PHETA1: variants seen among roughly 807,000 people sequenced by gnomAD.
The protein encoded by PHETA1 is PH domain containing endocytic trafficking adaptor 1, also known as sesquipedalian-1.
For synonymous variants in PHETA1, 155 were observed against 168.9 expected, an observed-to-expected ratio of 0.92 and a Z score of 0.64; for missense variants, 348 against 373.5, an observed-to-expected ratio of 0.93 and a Z score of 0.56.
intron 1 of PHETA1, among the ~76,000 whole-genome samples, 180 bp from the exon 2 acceptor site, chr12:111,366,437 T>C (rs940766204): frequency 1.3e-5 from 2 of 152,318 alleles, no homozygotes. Context: ...TCTCAGCAAA[T>C]GGCCCTTGGT....
chr12:111,364,043 T>C (rs1446958773), intron 2 of PHETA1, among the ~76,000 whole-genome samples: 1 of 152,024 alleles, frequency 6.6e-6, no homozygotes, highest in African/African-American at 2.4e-5. Context: ...CTTTGGAGAG[T>C]TGTAGAGATT....
intron 2 of PHETA1, among the ~76,000 whole-genome samples, chr12:111,364,763 CAAA>C (rs796346343): frequency 2.5e-5 from 3 of 117,858 alleles, no homozygotes; most frequent in South Asian, 2.6e-4. Flanking sequence ...GACTCCATCT[CAAA>C]AAAAAAAAAA....
rs1869174477 is a variant in PHETA1 at position 111,368,697 on chromosome 12, C to T, written c.-182+215G>A. ...AGAATGGGGGGCTTATCCGCAGTCC[C>T]CACCAGCGGCAGACGTCCCTATGGG... On this transcript the variant is annotated intron_variant, in intron 1 of 2. Coordinates refer to ENST00000683047, the MANE Select transcript of PHETA1 (RefSeq NM_144671.6). This position sits in a 1 kb window ranked among gnomAD's most constrained non-coding sequence, Gnocchi z 5.0. Among the ~76,000 whole-genome samples the T allele has an allele frequency of 6.6e-6, 1 of 152,362 alleles. No individual in the cohort carries two copies. Among genetic ancestry groups the T allele is most frequent in the African/African-American group, 2.4e-5 (1 of 41,586 alleles).
At position 111,362,983 on chromosome 12, in the gene PHETA1, G is replaced by A. The variant is rs1868757433; in HGVS notation, c.445C>T (p.Pro149Ser). Residue 149 changes from proline to serine, a missense_variant, in exon 3 of 3, where the codon CCC becomes TCC. Transcript: ENST00000683047. ...PQPQPQSLPL[P>S]PSLPSALAPV... is the part of the protein sequence containing the mutation. ...GCCAGGGCAGAGGGCAGGGACGGGGGCAAGGGCAGGGACTGGGGCTGGGGC... is the reference window on the plus strand; with the variant it reads ...GCCAGGGCAGAGGGCAGGGACGGGGACAAGGGCAGGGACTGGGGCTGGGGC... 2 of 1,480,188 alleles carry A rather than the reference G, an allele frequency of 1.4e-6. No individual in the cohort carries two copies. The highest frequency in any genetic ancestry group is 2.3e-4 in the Middle Eastern group (1 of 4,384). 91.7% of individuals were successfully genotyped at this position (1,480,188 alleles called of 1,614,324 possible). A position where few individuals can be genotyped will look rare whatever the true frequency, so the allele number is the denominator to read the frequency against.
At position 111,368,263 on chromosome 12, in the gene PHETA1, A is replaced by G. The variant is rs1869147231; in HGVS notation, c.-182+649T>C. Among the ~76,000 whole-genome samples the G allele has an allele frequency of 1.3e-5, 2 of 152,132 alleles. No individual in the cohort carries two copies. Among genetic ancestry groups the G allele is most frequent in the South Asian group, 4.1e-4 (2 of 4,824 alleles). ...GGCAAATAATTCATCCAAGATCTCC[A>G]GGGGCACAGCTGGCCCCGGAACCCA... On this transcript the variant is annotated intron_variant, in intron 1 of 2. Coordinates refer to ENST00000683047, the MANE Select transcript of PHETA1 (RefSeq NM_144671.6). The surrounding 1 kb of genome is among the most constrained non-coding windows in gnomAD (Gnocchi z 5.0).
chr12:111,362,543 CCAGGCCA>C lies in PHETA1; in HGVS notation c.*128_*134del. 5.2e-6 allele frequency: 8 copies of C among 1,531,132 alleles called. 1 individual carries two copies. In the South Asian group the frequency reaches 9.7e-5, roughly 18 times the overall value. The allele number at this position is 1,531,132 out of a possible 1,614,324, so 94.8% of individuals were successfully genotyped here. Reference sequence around the variant, plus strand: ...TTCTCAGAGCCTGCATCCCCCAAAACCAGGCCACTCAGGGCCTGGGGGCCAGCCTTGC... The same window carrying C: ...TTCTCAGAGCCTGCATCCCCCAAAACCTCAGGGCCTGGGGGCCAGCCTTGC... On this transcript the variant is annotated 3_prime_UTR_variant, in exon 3 of 3. Coordinates refer to ENST00000683047, the MANE Select transcript of PHETA1 (RefSeq NM_144671.6).
chr12:111,363,986 G>A lies in PHETA1; in HGVS notation c.-36-523C>T, dbSNP rs1012069520. Among the ~76,000 whole-genome samples, 3 of 152,158 alleles carry A rather than the reference G, an allele frequency of 2.0e-5. No individual in the cohort carries two copies. In the East Asian group the frequency reaches 5.8e-4, roughly 29 times the overall value. ...TGCCAGGTCCCAGCCCTGACTTTGT[G>A]GTTCGACTTTGGTTTGTTCATCCAT... On this transcript the variant is annotated intron_variant, in intron 2 of 2. Coordinates refer to ENST00000683047, the MANE Select transcript of PHETA1 (RefSeq NM_144671.6). The surrounding 1 kb of genome is among the most constrained non-coding windows in gnomAD (Gnocchi z 7.4).
Position 111,362,347 on chromosome 12 carries a change from C to A in PHETA1, c.*331G>T. 1.8e-6 allele frequency: 1 copy of A among 542,982 alleles called. No homozygotes were observed. The highest frequency in any genetic ancestry group is 3.3e-6 in the Non-Finnish European group (1 of 305,824). 33.6% of individuals were successfully genotyped at this position (542,982 alleles called of 1,614,324 possible). ...CTCTGAGCTGCAGGCCCGGCAATGC[C>A]TGTTGCCAGCACAGGCCTCTGCCCG... On this transcript the variant is annotated 3_prime_UTR_variant, in exon 3 of 3. Coordinates refer to ENST00000683047, the MANE Select transcript of PHETA1 (RefSeq NM_144671.6).
Position 111,362,596 on chromosome 12 carries a change from T to TGCTCCCCCAGTCTCTCCAGGACCC in PHETA1, c.*58_*81dup. On this transcript the variant is annotated 3_prime_UTR_variant, in exon 3 of 3. Coordinates refer to ENST00000683047, the MANE Select transcript of PHETA1 (RefSeq NM_144671.6). The stretch of plus-strand genomic sequence containing the variant: ...CTTGCCCATGATTTCCCTCAGGATC[T>TGCTCCCCCAGTCTCTCCAGGACCC]GCTCCCCCAGTCTCTCCAGGACCCG... The TGCTCCCCCAGTCTCTCCAGGACCC allele has an allele frequency of 6.5e-7, 1 of 1,543,002 alleles. No individual in the cohort carries two copies. The highest frequency in any genetic ancestry group is 8.7e-7 in the Non-Finnish European group (1 of 1,146,632).
At chr12:111,364,545 C>T (rs1868905432) in intron 2 of PHETA1, among the ~76,000 whole-genome samples, 1 of 151,932 alleles carries the variant, frequency 6.6e-6, no homozygotes, top group African/African-American at 2.4e-5. Flanking sequence ...CAAGGCCAAT[C>T]CTTCTCACCT....
In PHETA1 at chr12:111,363,830, CAG is replaced by C. The variant is rs1868857627; in HGVS notation, c.-36-369_-36-368del. ...TGCAACAGATGAGGAAACAGAGGCA[CAG>C]AGAGGTTAACTGCTTCCCTGGTGTC... On this transcript the variant is annotated intron_variant, in intron 2 of 2. Coordinates refer to ENST00000683047, the MANE Select transcript of PHETA1 (RefSeq NM_144671.6). This position sits in a 1 kb window ranked among gnomAD's most constrained non-coding sequence, Gnocchi z 7.4. The C allele has an allele frequency of 9.3e-7, 1 of 1,072,698 alleles. No homozygotes were observed. The highest frequency in any genetic ancestry group is 1.2e-6 in the Non-Finnish European group (1 of 806,538). The allele number at this position is 1,072,698 out of a possible 1,614,324, so 66.4% of individuals were successfully genotyped here.
In PHETA1 at chr12:111,363,798, G is replaced by T; in HGVS notation, c.-36-335C>A. 1.6e-6 allele frequency: 2 copies of T among 1,284,746 alleles called. No homozygotes were observed. Among genetic ancestry groups the T allele is most frequent in the Non-Finnish European group, 2.1e-6 (2 of 974,296 alleles). 79.6% of individuals were successfully genotyped at this position (1,284,746 alleles called of 1,614,324 possible). On this transcript the variant is annotated intron_variant, in intron 2 of 2. Coordinates refer to ENST00000683047, the MANE Select transcript of PHETA1 (RefSeq NM_144671.6). This position sits in a 1 kb window ranked among gnomAD's most constrained non-coding sequence, Gnocchi z 7.4. ...ACCTTAGGTCACAGGGACTGGCCTG[G>T]CACCAGTGCAACAGATGAGGAAACA...
Position 111,368,195 on chromosome 12 carries a change from T to TA in PHETA1, c.-182+716dup, listed in dbSNP as rs1255261515. Among the ~76,000 whole-genome samples, 1 of 152,108 alleles carries TA rather than the reference T, an allele frequency of 6.6e-6. No individual in the cohort carries two copies. Among genetic ancestry groups the TA allele is most frequent in the Non-Finnish European group, 1.5e-5 (1 of 68,028 alleles). On this transcript the variant is annotated intron_variant, in intron 1 of 2. Coordinates refer to ENST00000683047, the MANE Select transcript of PHETA1 (RefSeq NM_144671.6). This position sits in a 1 kb window ranked among gnomAD's most constrained non-coding sequence, Gnocchi z 5.0. ...ACTCCTGAAGAGTCATTTTGCAAAA[T>TA]ACTTGGTGGGTAGTGAGCTTTCAGG...
At chr12:111,366,633 G>A (rs1277321140) in intron 1 of PHETA1, among the ~76,000 whole-genome samples, 1 of 152,008 alleles carries the variant, frequency 6.6e-6, no homozygotes, top group Non-Finnish European at 1.5e-5. Flanking sequence ...TGTTCCTCAA[G>A]GTAAGATCCA....
chr12:111,364,632 T>C (rs1868911672), intron 2 of PHETA1, among the ~76,000 whole-genome samples: 2 of 150,962 alleles, frequency 1.3e-5, no homozygotes, highest in African/African-American at 4.9e-5. Flanking sequence ...GGTGAGGTGG[T>C]GCACGCCCAT....
Position 111,368,509 on chromosome 12 carries a change from G to C in PHETA1, c.-182+403C>G, listed in dbSNP as rs935874944. ...CAGCAGGGACCCCAGAGACACGCCA[G>C]CACCGCCGTCCAGACACAGGCAGCC... On this transcript the variant is annotated intron_variant, in intron 1 of 2. Transcript: ENST00000683047. The surrounding 1 kb of genome is among the most constrained non-coding windows in gnomAD (Gnocchi z 5.0). Among the ~76,000 whole-genome samples the C allele has an allele frequency of 6.6e-6, 1 of 152,226 alleles. No individual in the cohort carries two copies. Among genetic ancestry groups the C allele is most frequent in the African/African-American group, 2.4e-5 (1 of 41,472 alleles).
In PHETA1 at chr12:111,361,701, A is replaced by G. The variant is rs1032924375; in HGVS notation, c.*977T>C. The G allele has an allele frequency of 2.9e-5, 10 of 348,440 alleles. No individual in the cohort carries two copies. The highest frequency in any genetic ancestry group is 2.4e-4 in the African/African-American group (10 of 42,338). The allele number at this position is 348,440 out of a possible 1,614,324, so 21.6% of individuals were successfully genotyped here. ...CCTGGAGCTGAAGAGGGGCTCTGGA[A>G]GCCACACTCGGTGTGCGGCTTTTTC... On this transcript the variant is annotated 3_prime_UTR_variant, in exon 3 of 3. Coordinates refer to ENST00000683047, the MANE Select transcript of PHETA1 (RefSeq NM_144671.6).
At position 111,363,588 on chromosome 12, in the gene PHETA1, T is replaced by C; in HGVS notation, c.-36-125A>G. On this transcript the variant is annotated intron_variant, in intron 2 of 2. Coordinates refer to ENST00000683047, the MANE Select transcript of PHETA1 (RefSeq NM_144671.6). The surrounding 1 kb of genome is among the most constrained non-coding windows in gnomAD (Gnocchi z 7.4). ...GATGAGGAAACTGACGCTCATAGGGTGGAAGCAGCTGGCCTATGCGCCCAC... is the reference window on the plus strand; with the variant it reads ...GATGAGGAAACTGACGCTCATAGGGCGGAAGCAGCTGGCCTATGCGCCCAC... The C allele has an allele frequency of 1.3e-6, 2 of 1,530,292 alleles. No homozygotes were observed. The highest frequency in any genetic ancestry group is 1.7e-4 in the Middle Eastern group (1 of 5,976). The allele number at this position is 1,530,292 out of a possible 1,614,324, so 94.8% of individuals were successfully genotyped here.
At chr12:111,365,442 A>G in intron 2 of PHETA1, 1 of 454,930 alleles carries the variant, frequency 2.2e-6, no homozygotes, top group South Asian at 1.6e-5. Context: ...TGTCAGCCAC[A>G]TAGGCAGTCA....
Sources: gnomAD v4.1 joint callset for allele counts (sites outside exome capture counted in the v4.1 genomes callset) on GRCh38, gnomAD v4.1.1 for gene constraint, Gnocchi (gnomAD v3.1) non-coding constraint, MANE v1.5 for transcripts, NCBI Gene and HGNC (gene_info 2026-07-23, HGNC 2026-07-21) for gene names.